Variants in ZNF367 observed in about 807,000 individuals in gnomAD.
ZNF367 encodes the protein zinc finger protein 367.
Under a neutral mutation model 31.8 loss-of-function variants are expected in ZNF367, and 11 were observed. That is an observed-to-expected ratio of 0.35 (90% CI 0.22 to 0.57). The LOEUF (loss-of-function observed/expected upper bound fraction) is 0.57. Ranked by LOEUF, ZNF367 falls within the 20% of genes least tolerant of loss-of-function variation. The pLI, the probability that ZNF367 is intolerant of heterozygous loss-of-function variation, is 0.85. For synonymous variants in ZNF367, 199 were observed against 202.4 expected, an observed-to-expected ratio of 0.98 and a Z score of 0.14; for missense variants, 353 against 484.1, an observed-to-expected ratio of 0.73 and a Z score of 2.54.
chr9:96,411,211 C>T (rs1274778106), intron 1 of ZNF367, among the ~76,000 whole-genome samples: 1 of 151,774 alleles, frequency 6.6e-6, no homozygotes, highest in Non-Finnish European at 1.5e-5. Context: ...CTTAGTGATA[C>T]AAGTCCTCTG....
At chr9:96,392,628 TAAATTAATATGGTGAA>T in intron 3 of ZNF367, 92 bp from the exon 4 acceptor site, 1 of 1,480,708 alleles carries the variant, frequency 6.8e-7, no homozygotes, top group Non-Finnish European at 9.1e-7. Context: ...TCCAGAAAAG[TAAATTAATATGGTGAA>T]ATTTAGGATC....
intron 1 of ZNF367, among the ~76,000 whole-genome samples, chr9:96,416,353 T>C (rs1442033590): frequency 6.6e-6 from 1 of 152,202 alleles, no homozygotes; most frequent in Non-Finnish European, 1.5e-5. Context: ...CGCAAAGTTC[T>C]GGGATTACAG....
Position 96,403,640 on chromosome 9 carries a change from G to C in ZNF367, c.421-5326C>G, listed in dbSNP as rs190328037. 3.0e-3 allele frequency among the ~76,000 whole-genome samples: 452 copies of C among 152,274 alleles called. 1 individual carries two copies. Among genetic ancestry groups the C allele is most frequent in the African/African-American group, 0.01 (416 of 41,562 alleles). ...CTACTAAGCACTGGCAATTAAGACA[G>C]TGTGGTAATGGCATAAGGAAAGACA... On this transcript the variant is annotated intron_variant, in intron 1 of 4. Transcript: ENST00000375256.
At chr9:96,402,260 AAAAG>A (rs1831613362) in intron 1 of ZNF367, among the ~76,000 whole-genome samples, 1 of 152,162 alleles carries the variant, frequency 6.6e-6, no homozygotes, top group Admixed American at 6.5e-5. Context: ...ATCTCCAAAA[AAAAG>A]AAAGAAAGAA....
In ZNF367 at chr9:96,390,653, G is replaced by T. The variant is rs150306096; in HGVS notation, c.830+1745C>A. 8.3e-3 allele frequency among the ~76,000 whole-genome samples: 1,267 copies of T among 152,190 alleles called. 6 individuals carry two copies. Among genetic ancestry groups the T allele is most frequent in the Non-Finnish European group, 0.014 (951 of 68,006 alleles). ...AATCCCAACAGTTTGGGAGGCCAAG[G>T]TGCGAGAATCACTTGAGGCCAGGAG... On this transcript the variant is annotated intron_variant, in intron 4 of 4. Coordinates refer to ENST00000375256, the MANE Select transcript of ZNF367 (RefSeq NM_153695.4).
intron 1 of ZNF367, among the ~76,000 whole-genome samples, chr9:96,412,628 T>A (rs1288080896): frequency 6.6e-6 from 1 of 152,166 alleles, no homozygotes; most frequent in African/African-American, 2.4e-5. Flanking sequence ...GAGTGCACTT[T>A]TATAAAGCAT....
In ZNF367 at chr9:96,407,713, T is replaced by G. The variant is rs927288983; in HGVS notation, c.421-9399A>C. The stretch of plus-strand genomic sequence containing the variant: ...AGTTATTCGAACAGGAAAGAAGGCA[T>G]GGAAGAGGATAGTTACTAACGTGTG... On this transcript the variant is annotated intron_variant, in intron 1 of 4. Transcript: ENST00000375256. The G allele has an allele frequency of 5.9e-6, 8 of 1,345,616 alleles. No homozygotes were observed. The African/African-American group carries it at 1.0e-4, about 17-fold the overall frequency. 83.4% of individuals were successfully genotyped at this position (1,345,616 alleles called of 1,614,324 possible). A position where few individuals can be genotyped will look rare whatever the true frequency, so the allele number is the denominator to read the frequency against.
intron 1 of ZNF367, among the ~76,000 whole-genome samples, chr9:96,416,180 C>A (rs1183754794): frequency 6.6e-6 from 1 of 151,330 alleles, no homozygotes; most frequent in Non-Finnish European, 1.5e-5. Flanking sequence ...CTCCGCCTCC[C>A]GCTTCACGCC....
intron 1 of ZNF367, among the ~76,000 whole-genome samples, chr9:96,410,885 C>G (rs1831738943): frequency 6.8e-6 from 1 of 147,454 alleles, no homozygotes; most frequent in South Asian, 2.2e-4. Flanking sequence ...AAAAACAAAA[C>G]AAAACAAAAC....
At chr9:96,399,333 T>C (rs1308205821) in intron 1 of ZNF367, among the ~76,000 whole-genome samples, 1 of 152,018 alleles carries the variant, frequency 6.6e-6, no homozygotes, top group Admixed American at 6.6e-5. Flanking sequence ...TGTCTACTCT[T>C]TTTTGGGGGA....
intron 1 of ZNF367, among the ~76,000 whole-genome samples, chr9:96,400,392 C>CAAAAAAA (rs57650386): frequency 1.4e-5 from 1 of 71,898 alleles, no homozygotes; most frequent in African/African-American, 5.9e-5. Flanking sequence ...GACCCTGTCT[C>CAAAAAAA]AAAAAAAAAA....
At position 96,398,226 on chromosome 9, in the gene ZNF367, T is replaced by C; in HGVS notation, c.509A>G (p.Asn170Ser). 6.2e-7 allele frequency: 1 copy of C among 1,613,414 alleles called. No homozygotes were observed. The highest frequency in any genetic ancestry group is 1.1e-5 in the South Asian group (1 of 91,026). ...GEHSSSRIRC[N>S]ICNRVFPREK... ...CCGTGGAAACACCCTATTACAGATG[T>C]TACAACGGATTCTGCTGGATGAATG... The change falls in exon 2 of 5, where the codon AAC becomes AGC. Residue 170 changes from asparagine (N) to serine (S), a missense_variant. By Grantham distance (46) the Asn-to-Ser change is conservative (BLOSUM62 1). This residue lies in a region of ZNF367 where 57 missense variants were observed against 141.9 expected (regional missense o/e 0.40). Coordinates refer to ENST00000375256, the MANE Select transcript of ZNF367 (RefSeq NM_153695.4).
intron 4 of ZNF367, among the ~76,000 whole-genome samples, chr9:96,390,359 G>A (rs1394355161): frequency 6.6e-6 from 1 of 152,196 alleles, no homozygotes; most frequent in East Asian, 1.9e-4. Context: ...CTTGAAGGAT[G>A]ACTAGAAGAG....
chr9:96,417,673 G>A lies in ZNF367; in HGVS notation c.360C>T (p.Ala120=). 1.1e-5 allele frequency: 12 copies of A among 1,070,126 alleles called. No individual in the cohort carries two copies. The highest frequency in any genetic ancestry group is 1.3e-5 in the Non-Finnish European group (11 of 848,662). 66.3% of individuals were successfully genotyped at this position (1,070,126 alleles called of 1,614,324 possible). A position where few individuals can be genotyped will look rare whatever the true frequency, so the allele number is the denominator to read the frequency against. The change falls in exon 1 of 5, where the codon GCC becomes GCT. Residue 120 remains alanine (A), a synonymous_variant. Coordinates refer to ENST00000375256, the MANE Select transcript of ZNF367 (RefSeq NM_153695.4). This position sits in a 1 kb window ranked among gnomAD's most constrained non-coding sequence, Gnocchi z 5.0. ...CCTCGTCCTCACCTCCCGAGGCGGC[G>A]GCGGAGGCCGAGGCGGCGGGCGGGG... The part of the protein sequence containing the change: ...GAPPPAASAS[A]AASGGEDEEE...
At position 96,386,533 on chromosome 9, in the gene ZNF367, T is replaced by G. The variant is rs969649849; in HGVS notation, c.*1704A>C. 3.3e-5 allele frequency: 5 copies of G among 152,076 alleles called. No individual in the cohort carries two copies. Among genetic ancestry groups the G allele is most frequent in the African/African-American group, 1.2e-4 (5 of 41,450 alleles). 9.4% of individuals were successfully genotyped at this position (152,076 alleles called of 1,614,324 possible). On this transcript the variant is annotated 3_prime_UTR_variant, in exon 5 of 5. Transcript: ENST00000375256. Reference sequence around the variant, plus strand: ...TTACCAGCTTATAAGTGCTCCAAATTAAAATTCTATATACCACATTACAAA... The same window carrying G: ...TTACCAGCTTATAAGTGCTCCAAATGAAAATTCTATATACCACATTACAAA...
intron 1 of ZNF367, among the ~76,000 whole-genome samples, chr9:96,406,942 C>T (rs2131079244): frequency 7.3e-6 from 1 of 136,714 alleles, no homozygotes; most frequent in South Asian, 2.3e-4. Context: ...GCAGAGCTTG[C>T]AGTCAGCCGA....
chr9:96,395,069 C>T, intron 2 of ZNF367, 127 bp from the exon 3 acceptor site: 1 of 1,009,792 alleles, frequency 9.9e-7, no homozygotes, highest in Non-Finnish European at 1.4e-6. Flanking sequence ...ATGGCCCCTA[C>T]TGAGCTGCAG....
intron 1 of ZNF367, among the ~76,000 whole-genome samples, chr9:96,409,561 C>T (rs909551586): frequency 1.3e-5 from 2 of 152,206 alleles, no homozygotes; most frequent in African/African-American, 4.8e-5. Flanking sequence ...GCTCATCAAC[C>T]TTACTTAATT....
chr9:96,402,419 C>T (rs916300954), intron 1 of ZNF367, among the ~76,000 whole-genome samples: 2 of 150,414 alleles, frequency 1.3e-5, no homozygotes, highest in African/African-American at 4.9e-5. Context: ...GTCTTCGATA[C>T]CCTACTTCCT....
Sources: gnomAD v4.1 joint callset for allele counts (sites outside exome capture counted in the v4.1 genomes callset) on GRCh38, gnomAD v4.1.1 for gene constraint, gnomAD v4.1.1 regional missense constraint, Gnocchi (gnomAD v3.1) non-coding constraint, MANE v1.5 for transcripts, NCBI Gene and HGNC (gene_info 2026-07-23, HGNC 2026-07-21) for gene names.